Variants in CCNY observed in about 807,000 individuals in gnomAD.
CCNY encodes the protein cyclin-Y.
Under a neutral mutation model 42.8 loss-of-function variants are expected in CCNY, and 19 were observed. The ratio of observed to expected loss-of-function variants is 0.44; its 90% CI spans 0.31 to 0.65. The LOEUF (loss-of-function observed/expected upper bound fraction) is 0.65, where lower values mean the gene tolerates loss of function less well. CCNY is among the 30% of genes least tolerant of loss of function. CCNY has a pLI of 0.07. For synonymous variants in CCNY, 165 were observed against 162.7 expected, an observed-to-expected ratio of 1.01 and a Z score of -0.11; for missense variants, 370 against 437.3, an observed-to-expected ratio of 0.85 and a Z score of 1.37.
At chr10:35,338,378 A>G (rs1836099405) in intron 1 of CCNY, among the ~76,000 whole-genome samples, 1 of 152,238 alleles carries the variant, frequency 6.6e-6, no homozygotes, top group South Asian at 2.1e-4. Context: ...AAAGGGAGTA[A>G]CACAACGTCT....
At chr10:35,406,404 A>C (rs1302888878) in intron 1 of CCNY, among the ~76,000 whole-genome samples, 1 of 151,818 alleles carries the variant, frequency 6.6e-6, no homozygotes, top group Non-Finnish European at 1.5e-5. Flanking sequence ...GTCCCTGGGC[A>C]CTTGAGACTA....
intron 7 of CCNY, among the ~76,000 whole-genome samples, chr10:35,551,746 A>G (rs1841262475): frequency 6.6e-6 from 1 of 152,208 alleles, no homozygotes; most frequent in Admixed American, 6.5e-5. Context: ...CAGTTTAGAA[A>G]TCCTGTATTA....
At chr10:35,262,092 T>C (rs1265274990) in intron 3 of CCNY, among the ~76,000 whole-genome samples, 1 of 151,130 alleles carries the variant, frequency 6.6e-6, no homozygotes, top group Non-Finnish European at 1.5e-5. Context: ...CAAAACCTCA[T>C]CTCTACTAAA....
At chr10:35,381,266 A>G (rs1166102731) in intron 1 of CCNY, among the ~76,000 whole-genome samples, 1 of 152,160 alleles carries the variant, frequency 6.6e-6, no homozygotes, top group East Asian at 1.9e-4. Flanking sequence ...TTAGCCTTTA[A>G]TAGATACTGT....
chr10:35,460,017 C>G (rs980290049), intron 1 of CCNY, among the ~76,000 whole-genome samples: 2 of 152,152 alleles, frequency 1.3e-5, no homozygotes, highest in Non-Finnish European at 2.9e-5. Flanking sequence ...AAATCAGATA[C>G]AAAAGCTGTG....
intron 5 of CCNY, among the ~76,000 whole-genome samples, chr10:35,529,121 C>G (rs1293356948): frequency 1.3e-5 from 2 of 152,174 alleles, no homozygotes; most frequent in African/African-American, 4.8e-5. Flanking sequence ...TGGTTCTGTG[C>G]ACGTACCAGC....
chr10:35,469,059 C>A (rs1219028060), intron 1 of CCNY, among the ~76,000 whole-genome samples: 1 of 152,198 alleles, frequency 6.6e-6, no homozygotes, highest in Non-Finnish European at 1.5e-5. Context: ...CAAGATACTT[C>A]TGAGAGTAAA....
At chr10:35,470,350 C>G (rs2135344647) in intron 1 of CCNY, among the ~76,000 whole-genome samples, 1 of 152,212 alleles carries the variant, frequency 6.6e-6, no homozygotes, top group Admixed American at 6.5e-5. Context: ...GAGGGACAGA[C>G]AGACAAACAG....
intron 7 of CCNY, among the ~76,000 whole-genome samples, chr10:35,543,540 G>T (rs575060858): frequency 2.6e-4 from 40 of 152,266 alleles, no homozygotes; most frequent in African/African-American, 9.4e-4. Context: ...TCAGGTGTTT[G>T]TGGTGATGCT....
intron 3 of CCNY, among the ~76,000 whole-genome samples, chr10:35,318,994 A>G (rs1213354330): frequency 6.6e-6 from 1 of 152,128 alleles, no homozygotes; most frequent in Non-Finnish European, 1.5e-5. Context: ...ACAGAGTCTC[A>G]TAGTGTCACC....
intron 1 of CCNY, among the ~76,000 whole-genome samples, chr10:35,340,516 T>TC (rs1385038142): frequency 6.6e-6 from 1 of 151,446 alleles, no homozygotes; most frequent in African/African-American, 2.4e-5. Context: ...TTTTTTTTTT[T>TC]TTTTTTGAGA....
intron 4 of CCNY, among the ~76,000 whole-genome samples, chr10:35,520,546 G>A (rs1840526948): frequency 6.6e-6 from 1 of 152,124 alleles, no homozygotes; most frequent in Non-Finnish European, 1.5e-5. Flanking sequence ...TTGTAACTGT[G>A]AGAAGAATGC....
At chr10:35,515,553 C>T (rs552148089) in intron 3 of CCNY, among the ~76,000 whole-genome samples, 82 of 152,158 alleles carry the variant, frequency 5.4e-4, no homozygotes, top group African/African-American at 1.9e-3. Flanking sequence ...GTGTTGCAGG[C>T]GGGCAGGTCA....
At chr10:35,343,538 T>C (rs1187475492) in intron 1 of CCNY, among the ~76,000 whole-genome samples, 1 of 151,936 alleles carries the variant, frequency 6.6e-6, no homozygotes, top group Non-Finnish European at 1.5e-5. Context: ...TACAGGCACG[T>C]GCCACCACGT....
chr10:35,359,637 A>G (rs1260115045), intron 1 of CCNY, among the ~76,000 whole-genome samples: 5 of 151,930 alleles, frequency 3.3e-5, no homozygotes, highest in Non-Finnish European at 7.4e-5. Flanking sequence ...CACCACACCC[A>G]TTTTAGCCAT....
intron 1 of CCNY, among the ~76,000 whole-genome samples, chr10:35,359,188 T>C (rs192416047): frequency 6.6e-6 from 1 of 152,334 alleles, no homozygotes; most frequent in East Asian, 1.9e-4. Flanking sequence ...CCTCTCAGTG[T>C]TACTCCCCAG....
chr10:35,274,428 G>A (rs1172219870), intron 3 of CCNY, among the ~76,000 whole-genome samples: 1 of 152,170 alleles, frequency 6.6e-6, no homozygotes, highest in Non-Finnish European at 1.5e-5. Flanking sequence ...TAGTGGGGGT[G>A]GGGAGGGAAT....
intron 4 of CCNY, among the ~76,000 whole-genome samples, chr10:35,522,289 C>T (rs1399102014): frequency 3.3e-5 from 5 of 152,204 alleles, no homozygotes; most frequent in South Asian, 2.1e-4. Flanking sequence ...TGCTGATCCT[C>T]ACAGTTTCTG....
intron 1 of CCNY, among the ~76,000 whole-genome samples, chr10:35,377,677 TTA>T (rs1837083953): frequency 6.6e-6 from 1 of 152,236 alleles, no homozygotes; most frequent in African/African-American, 2.4e-5. Context: ...AGAAGAATTT[TTA>T]TGTCTGTAGA....
Sources: gnomAD v4.1 joint callset for allele counts (sites outside exome capture counted in the v4.1 genomes callset) on GRCh38, gnomAD v4.1.1 for gene constraint, MANE v1.5 for transcripts, NCBI Gene and HGNC (gene_info 2026-07-23, HGNC 2026-07-21) for gene names.